Variants in NPAS2 observed in about 807,000 individuals in gnomAD.
NPAS2 encodes neuronal PAS domain protein 2.
A neutral mutation model predicts 107.5 loss-of-function variants in NPAS2; 23 were observed. The observed-to-expected ratio is 0.21, with a 90% CI of 0.15 to 0.30. NPAS2 has a LOEUF of 0.30. Among genes scored for constraint, NPAS2 ranks in the 10% least tolerant of loss-of-function variants. NPAS2 has a pLI of 1.00. For missense variants in NPAS2, 756 were observed against 1,043.3 expected, an observed-to-expected ratio of 0.72 and a Z score of 3.79; for synonymous variants, 403 against 417.5, an observed-to-expected ratio of 0.97 and a Z score of 0.42.
intron 4 of NPAS2, chr2:100,934,750 C>G (rs1684191189): frequency 1.0e-6 from 1 of 982,960 alleles, no homozygotes; most frequent in Non-Finnish European, 1.2e-6. Flanking sequence ...TGAGCCCCAG[C>G]TGTGGTTGGG....
intron 3 of NPAS2, among the ~76,000 whole-genome samples, chr2:100,929,110 G>C (rs1255583526): frequency 6.6e-6 from 1 of 152,162 alleles, no homozygotes; most frequent in East Asian, 1.9e-4. Flanking sequence ...TTGCCACTTT[G>C]GCTAGCCTGG....
intron 2 of NPAS2, among the ~76,000 whole-genome samples, chr2:100,918,556 G>A (rs1472689342): frequency 2.0e-5 from 3 of 152,130 alleles, no homozygotes; most frequent in African/African-American, 4.8e-5. Flanking sequence ...TCAATAGTAA[G>A]GAAATAGACA....
Position 100,943,650 on chromosome 2 carries a change from A to C in NPAS2, c.364-4585A>C, listed in dbSNP as rs529310724. On this transcript the variant is annotated intron_variant, in intron 5 of 20. Coordinates refer to ENST00000335681, the MANE Select transcript of NPAS2 (RefSeq NM_002518.4). ...GGCTATGGGAAGCAGGCTGTGCAGT[A>C]AGAAGAGGGTGAGGTGACCCCTGGT... Among the ~76,000 whole-genome samples, 27 of 152,370 alleles carry C rather than the reference A, an allele frequency of 1.8e-4. No homozygotes were observed. The South Asian group carries it at 5.6e-3, about 32-fold the overall frequency.
chr2:100,949,496 C>T lies in NPAS2; in HGVS notation c.598+16C>T, dbSNP rs766842982. On this transcript the variant is annotated intron_variant, in intron 7 of 20. Transcript: ENST00000335681. ...TACAACAATGGTAAGCTTTAATTGTCATATAATTGTGACAGTGTCTTTTCT... is the reference window on the plus strand; with the variant it reads ...TACAACAATGGTAAGCTTTAATTGTTATATAATTGTGACAGTGTCTTTTCT... 21 of 1,387,848 alleles carry T rather than the reference C, an allele frequency of 1.5e-5. No homozygotes were observed. The highest frequency in any genetic ancestry group is 1.9e-5 in the Non-Finnish European group (19 of 975,242). The allele number at this position is 1,387,848 out of a possible 1,614,324, so 86.0% of individuals were successfully genotyped here. A position where few individuals can be genotyped will look rare whatever the true frequency, so the allele number is the denominator to read the frequency against.
intron 1 of NPAS2, among the ~76,000 whole-genome samples, chr2:100,843,603 C>T (rs1677584318): frequency 6.6e-6 from 1 of 152,156 alleles, no homozygotes; most frequent in African/African-American, 2.4e-5. Context: ...TGAAATGGCT[C>T]TGACCCTTGT....
At chr2:100,942,260 A>T (rs1674619697) in intron 5 of NPAS2, among the ~76,000 whole-genome samples, 1 of 152,152 alleles carries the variant, frequency 6.6e-6, no homozygotes, top group Non-Finnish European at 1.5e-5. Context: ...GCACAGCAGG[A>T]GGAGATCCCA....
At chr2:100,858,184 C>T (rs1678704664) in intron 1 of NPAS2, among the ~76,000 whole-genome samples, 1 of 152,188 alleles carries the variant, frequency 6.6e-6, no homozygotes, top group Non-Finnish European at 1.5e-5. Flanking sequence ...AGTTCCTTCT[C>T]ACTGTGAAAG....
At chr2:100,975,660 T>C in intron 14 of NPAS2, 93 bp downstream of exon 14, 1 of 895,710 alleles carries the variant, frequency 1.1e-6, no homozygotes, top group Non-Finnish European at 1.7e-6. Context: ...CCCCAGAGAA[T>C]CCGTTTTACT....
chr2:100,941,897 G>A (rs568429974), intron 5 of NPAS2, among the ~76,000 whole-genome samples: 1 of 152,272 alleles, frequency 6.6e-6, no homozygotes, highest in South Asian at 2.1e-4. Flanking sequence ...CCTAGATGCA[G>A]TGTTGCCTAA....
chr2:100,819,914 G>A (rs1051245374), upstream of NPAS2, among the ~76,000 whole-genome samples: 1 of 151,988 alleles, frequency 6.6e-6, no homozygotes, highest in African/African-American at 2.4e-5. This position sits in a 1 kb window ranked among gnomAD's most constrained non-coding sequence, Gnocchi z 5.8. Context: ...TGTCTGCGCC[G>A]CCCAGGGAAG....
intron 1 of NPAS2, among the ~76,000 whole-genome samples, chr2:100,893,505 C>T (rs890840533): frequency 2.0e-5 from 3 of 152,216 alleles, no homozygotes; most frequent in African/African-American, 7.2e-5. Flanking sequence ...CAGCCAATTT[C>T]AATACATCAT....
intron 5 of NPAS2, among the ~76,000 whole-genome samples, chr2:100,940,772 C>G (rs187834834): frequency 6.6e-6 from 1 of 152,348 alleles, no homozygotes; most frequent in East Asian, 1.9e-4. Flanking sequence ...GGCTCCAGAG[C>G]TTGGTGCTTA....
At chr2:100,836,448 A>G (rs1459522611) in intron 1 of NPAS2, among the ~76,000 whole-genome samples, 5 of 152,306 alleles carry the variant, frequency 3.3e-5, no homozygotes, top group Admixed American at 3.3e-4. Context: ...AGTTCTAGGA[A>G]ACAACACTGA....
chr2:100,839,339 G>T (rs1372402866), intron 1 of NPAS2, among the ~76,000 whole-genome samples: 1 of 152,048 alleles, frequency 6.6e-6, no homozygotes, highest in Non-Finnish European at 1.5e-5. Flanking sequence ...ATGTTGGCCA[G>T]GTTGCTCTCA....
At chr2:100,934,951 C>T in intron 4 of NPAS2, 1 of 985,404 alleles carries the variant, frequency 1.0e-6, no homozygotes, top group Non-Finnish European at 1.2e-6. Context: ...CAGGAGATAA[C>T]CCATCATGTC....
chr2:100,996,517 T>C lies in NPAS2; in HGVS notation c.*935T>C, dbSNP rs1678448092. On this transcript the variant is annotated 3_prime_UTR_variant, in exon 21 of 21. Coordinates refer to ENST00000335681, the MANE Select transcript of NPAS2 (RefSeq NM_002518.4). ...CCTTTGAGTGAGAATGCTGCATCTT[T>C]CTACATATCTTCATGAGAATACTGA... 6.5e-6 allele frequency: 1 copy of C among 152,680 alleles called. No individual in the cohort carries two copies. The highest frequency in any genetic ancestry group is 1.5e-5 in the Non-Finnish European group (1 of 68,062). The allele number at this position is 152,680 out of a possible 1,614,324, so 9.5% of individuals were successfully genotyped here. A position where few individuals can be genotyped will look rare whatever the true frequency, so the allele number is the denominator to read the frequency against.
intron 19 of NPAS2, among the ~76,000 whole-genome samples, chr2:100,991,805 T>C (rs933290077): frequency 1.3e-5 from 2 of 152,230 alleles, no homozygotes; most frequent in African/African-American, 4.8e-5. Flanking sequence ...TTAGATTACA[T>C]TCTCGAAGGC....
rs1051836133 is a variant in NPAS2 at position 100,941,520 on chromosome 2, G to A, written c.363+3678G>A. ...GGAGGTTGCAGTGAGCCAAGATCAC[G>A]CCACTGCACCTCAGCCAGGGTGACA... On this transcript the variant is annotated intron_variant, in intron 5 of 20. Coordinates refer to ENST00000335681, the MANE Select transcript of NPAS2 (RefSeq NM_002518.4). Among the ~76,000 whole-genome samples, 49 of 152,054 alleles carry A rather than the reference G, an allele frequency of 3.2e-4. 1 individual carries two copies. Among genetic ancestry groups the A allele is most frequent in the African/African-American group, 2.4e-5 (1 of 41,370 alleles).
At chr2:100,826,119 G>A (rs561400380) in intron 1 of NPAS2, among the ~76,000 whole-genome samples, 2 of 152,124 alleles carry the variant, frequency 1.3e-5, no homozygotes, top group African/African-American at 4.8e-5. Context: ...CATTTTTGGC[G>A]CATTTACATA....
Sources: allele counts gnomAD v4.1 joint callset (sites outside exome capture counted in the v4.1 genomes callset), GRCh38; gene constraint gnomAD v4.1.1; non-coding constraint Gnocchi (gnomAD v3.1); transcripts MANE v1.5; gene names NCBI Gene and HGNC (gene_info 2026-07-23, HGNC 2026-07-21).